LY6S: variants seen among roughly 807,000 people sequenced by gnomAD.
LY6S encodes lymphocyte antigen 6S.
chr8:143,046,316 G>A, the LY6S span, among the ~76,000 whole-genome samples: 2,528 of 151,054 alleles, frequency 0.017, 65 homozygotes, highest in African/African-American at 0.059. Flanking sequence ...GGTGGCTCAC[G>A]CCTGTGATCC....
chr8:143,075,059 C>G, the LY6S span, among the ~76,000 whole-genome samples: 1 of 152,204 alleles, frequency 6.6e-6, no homozygotes, highest in African/African-American at 2.4e-5. The surrounding 1 kb of genome is among the most constrained non-coding windows in gnomAD (Gnocchi z 4.1). Context: ...AAAATCTTGT[C>G]TTTTTGCATT....
the LY6S span, among the ~76,000 whole-genome samples, chr8:143,073,847 C>T: frequency 6.4e-5 from 6 of 93,640 alleles, no homozygotes; most frequent in South Asian, 4.6e-4. Context: ...TCCCCGGGGT[C>T]CCTGTTTGAG....
chr8:143,072,532 G>A, the LY6S span, among the ~76,000 whole-genome samples: 6 of 100,306 alleles, frequency 6.0e-5, 1 homozygote, highest in African/African-American at 3.0e-4. Flanking sequence ...CCTGTTTGAG[G>A]AGACAGCCGT....
the LY6S span, among the ~76,000 whole-genome samples, chr8:143,063,017 C>T: frequency 5.3e-5 from 8 of 152,156 alleles, no homozygotes; most frequent in African/African-American, 1.9e-4. Flanking sequence ...TGGGCCTGTC[C>T]CCTCCATTTT....
chr8:143,043,129 G>C, the LY6S span: 10 of 1,367,564 alleles, frequency 7.3e-6, no homozygotes, highest in South Asian at 1.1e-4. Context: ...CCTCACAGCA[G>C]GGCCCAGAGG....
At chr8:143,063,133 T>G in the LY6S span, among the ~76,000 whole-genome samples, 33,394 of 152,096 alleles carry the variant, frequency 0.22, 5,218 homozygotes, top group African/African-American at 0.43. Context: ...TTTGTCCCAC[T>G]TGAGTATGTT....
the LY6S span, among the ~76,000 whole-genome samples, chr8:143,070,469 ATATATAAATATATATATATATTT>A: frequency 8.3e-5 from 3 of 35,960 alleles, no homozygotes; most frequent in African/African-American, 2.5e-4. Flanking sequence ...TATATAATAT[ATATATAAATATATATATATATTT>A]TTTTTTTTTT....
the LY6S span, among the ~76,000 whole-genome samples, chr8:143,074,025 G>A: frequency 1.3e-5 from 2 of 152,188 alleles, no homozygotes; most frequent in African/African-American, 4.8e-5. Context: ...GTTCTCTAGT[G>A]CTAAGGTGTT....
chr8:143,043,829 C>CCAA, the LY6S span, among the ~76,000 whole-genome samples: 11 of 152,226 alleles, frequency 7.2e-5, no homozygotes. Flanking sequence ...GCATGCCCCA[C>CCAA]CAGGCCCGGC....
the LY6S span, among the ~76,000 whole-genome samples, chr8:143,051,484 C>A: frequency 6.7e-6 from 1 of 149,600 alleles, no homozygotes; most frequent in African/African-American, 2.5e-5. Context: ...GAGGTTGCAG[C>A]GACCCAAGAT....
the LY6S span, among the ~76,000 whole-genome samples, chr8:143,071,890 C>A: frequency 3.3e-5 from 5 of 152,132 alleles, no homozygotes; most frequent in African/African-American, 1.2e-4. Context: ...TCTGGTGGTT[C>A]TTCAGAAGAG....
At chr8:143,066,805 C>T in the LY6S span, among the ~76,000 whole-genome samples, 6 of 152,050 alleles carry the variant, frequency 3.9e-5, no homozygotes, top group African/African-American at 1.2e-4. Flanking sequence ...GATGCTGGGA[C>T]GAGTTAAGAC....
At chr8:143,059,276 G>C in the LY6S span, among the ~76,000 whole-genome samples, 691 of 152,276 alleles carry the variant, frequency 4.5e-3, 4 homozygotes, top group African/African-American at 0.016. Flanking sequence ...TTGTGGAGTA[G>C]ACAAAGATTA....
chr8:143,048,656 A>G, the LY6S span, among the ~76,000 whole-genome samples: 1 of 151,606 alleles, frequency 6.6e-6, no homozygotes. Context: ...TTTAGTAGAG[A>G]TGGGGGTTTC....
chr8:143,069,712 T>C, the LY6S span, among the ~76,000 whole-genome samples: 1 of 152,198 alleles, frequency 6.6e-6, no homozygotes, highest in Non-Finnish European at 1.5e-5. Context: ...AAGTGGTTGC[T>C]CTGGGTCAGA....
At chr8:143,070,480 TATATATATA>T in the LY6S span, among the ~76,000 whole-genome samples, 1 of 103,990 alleles carries the variant, frequency 9.6e-6, no homozygotes, top group East Asian at 2.9e-4. Context: ...TATATAAATA[TATATATATA>T]TTTTTTTTTT....
chr8:143,040,954 G>A, the LY6S span, among the ~76,000 whole-genome samples: 2 of 152,154 alleles, frequency 1.3e-5, 1 homozygote, highest in South Asian at 4.1e-4. Flanking sequence ...GGGAGGGAGT[G>A]TACAAATAGG....
chr8:143,044,363 G>T, the LY6S span: 2 of 402,124 alleles, frequency 5.0e-6, no homozygotes, highest in South Asian at 1.8e-5. Context: ...ACTGGGAGGG[G>T]CTGGGATGGT....
At chr8:143,049,939 C>G in the LY6S span, among the ~76,000 whole-genome samples, 1 of 152,184 alleles carries the variant, frequency 6.6e-6, no homozygotes, top group African/African-American at 2.4e-5. Flanking sequence ...TCTTCTGTAG[C>G]AGAGAAATGG....
Sources: gnomAD v4.1 joint callset for allele counts (sites outside exome capture counted in the v4.1 genomes callset) on GRCh38, gnomAD v4.1.1 for gene constraint, Gnocchi (gnomAD v3.1) non-coding constraint, MANE v1.5 for transcripts, NCBI Gene and HGNC (gene_info 2026-07-23, HGNC 2026-07-21) for gene names.